Variants in CDK7 observed in about 807,000 individuals in gnomAD.
The protein encoded by CDK7 is cyclin dependent kinase 7, also known as cyclin-dependent kinase 7.
In CDK7, 25 loss-of-function variants were observed where a neutral mutation model predicts 49.1. That is an observed-to-expected ratio of 0.51 (90% CI 0.37 to 0.71). The LOEUF is 0.71. Among genes scored for constraint, CDK7 ranks in the 30% least tolerant of loss-of-function variants. CDK7 has a pLI of 0.00. For missense variants in CDK7, 316 were observed against 411.7 expected (o/e 0.77, Z 2.01); for synonymous variants, 107 against 140.0 (o/e 0.76, Z 1.67).
chr5:69,255,448 T>C lies in CDK7; in HGVS notation c.229-12T>C. 6.6e-7 allele frequency: 1 copy of C among 1,523,108 alleles called. No homozygotes were observed. Among genetic ancestry groups the C allele is most frequent in the Non-Finnish European group, 8.9e-7 (1 of 1,126,036 alleles). The allele number at this position is 1,523,108 out of a possible 1,614,324, so 94.3% of individuals were successfully genotyped here. A position where few individuals can be genotyped will look rare whatever the true frequency, so the allele number is the denominator to read the frequency against. ...AAATAGTGAATCACATTTTAATTTT[T>C]TAACTTTGCAGCTCCTTGATGCTTT... On this transcript the variant is annotated splice_polypyrimidine_tract_variant and intron_variant, in intron 4 of 11. Coordinates refer to ENST00000256443, the MANE Select transcript of CDK7 (RefSeq NM_001799.4).
chr5:69,245,445 AT>A (rs1181949277), intron 2 of CDK7, among the ~76,000 whole-genome samples: 1 of 150,684 alleles, frequency 6.6e-6, no homozygotes, highest in African/African-American at 2.4e-5. Context: ...GGGTTCAAGT[AT>A]TCTCCTGCCT....
intron 8 of CDK7, among the ~76,000 whole-genome samples, chr5:69,268,153 G>C (rs1751283501): frequency 6.6e-6 from 1 of 152,096 alleles, no homozygotes; most frequent in Non-Finnish European, 1.5e-5. Context: ...TAGAGAGACA[G>C]GGTTTCAGCA....
At chr5:69,255,115 C>G (rs1423671341) in intron 4 of CDK7, among the ~76,000 whole-genome samples, 1 of 151,748 alleles carries the variant, frequency 6.6e-6, no homozygotes, top group African/African-American at 2.4e-5. Context: ...ATGATAGCTG[C>G]TGTTATTTAG....
chr5:69,275,788 A>G (rs1317639748), intron 10 of CDK7, among the ~76,000 whole-genome samples: 3 of 152,192 alleles, frequency 2.0e-5, no homozygotes, highest in Non-Finnish European at 4.4e-5. Context: ...AGCCTGGCCA[A>G]TATAGCAAGA....
At chr5:69,242,212 CAGT>C (rs1308373236) in intron 2 of CDK7, among the ~76,000 whole-genome samples, 1 of 152,076 alleles carries the variant, frequency 6.6e-6, no homozygotes, top group Non-Finnish European at 1.5e-5. Flanking sequence ...GTGAGGAAGA[CAGT>C]AGATAATTCT....
Position 69,242,118 on chromosome 5 carries a change from C to T in CDK7, c.126+6665C>T, listed in dbSNP as rs2972383. Among the ~76,000 whole-genome samples the T allele has an allele frequency of 0.011, 1,634 of 152,292 alleles. 117 individuals are homozygous for T. In the East Asian group the frequency reaches 0.2, roughly 18 times the overall value. On this transcript the variant is annotated intron_variant, in intron 2 of 11. Coordinates refer to ENST00000256443, the MANE Select transcript of CDK7 (RefSeq NM_001799.4). ...ATATGGGTCTAGTTTCATTCTTCTG[C>T]ATATGGATATCCAATTTTCCCAGCA...
intron 2 of CDK7, among the ~76,000 whole-genome samples, chr5:69,246,938 T>G (rs1471132103): frequency 1.3e-5 from 2 of 152,238 alleles, no homozygotes; most frequent in East Asian, 3.8e-4. Context: ...TTTCTGGTTT[T>G]ATCCCATTGT....
At chr5:69,275,064 C>CA (rs60134652) in intron 10 of CDK7, among the ~76,000 whole-genome samples, 4,555 of 106,976 alleles carry the variant, frequency 0.043, 176 homozygotes, top group African/African-American at 0.11. Flanking sequence ...ACTCTGTATC[C>CA]AAAAAAAAAA....
chr5:69,272,926 A>G lies in CDK7; in HGVS notation c.749A>G (p.Lys250Arg), dbSNP rs1694847429. 6.3e-7 allele frequency: 1 copy of G among 1,597,376 alleles called. No homozygotes were observed. Among genetic ancestry groups the G allele is most frequent in the Non-Finnish European group, 8.5e-7 (1 of 1,170,558 alleles). The change falls in exon 10 of 12, where the codon AAG becomes AGG. Residue 250 changes from lysine (K) to arginine (R), a missense_variant. Coordinates refer to ENST00000256443, the MANE Select transcript of CDK7 (RefSeq NM_001799.4). ...AGTCTTCCAGATTATGTGACATTTA[A>G]GAGTTTCCCTGGAATACCTTTGCAT... ...MCSLPDYVTF[K>R]SFPGIPLHHI...
chr5:69,269,465 T>C (rs1469692565), intron 9 of CDK7, among the ~76,000 whole-genome samples, 172 bp downstream of exon 9: 1 of 152,206 alleles, frequency 6.6e-6, no homozygotes, highest in Non-Finnish European at 1.5e-5. Flanking sequence ...AATTGTGATA[T>C]ACCATCAACC....
At chr5:69,259,126 T>C (rs532626773) in intron 6 of CDK7, among the ~76,000 whole-genome samples, 35 of 152,204 alleles carry the variant, frequency 2.3e-4, no homozygotes, top group African/African-American at 8.2e-4. Flanking sequence ...CAGTATTCTT[T>C]GTGCTACAAT....
At chr5:69,262,723 T>A (rs10940209) in intron 8 of CDK7, among the ~76,000 whole-genome samples, 91,119 of 151,180 alleles carry the variant, frequency 0.6, 28,005 homozygotes, top group African/African-American at 0.72. Flanking sequence ...TGCCAATGTC[T>A]TTACAACAAA....
intron 8 of CDK7, among the ~76,000 whole-genome samples, chr5:69,268,974 C>T (rs536059965): frequency 6.6e-6 from 1 of 151,106 alleles, no homozygotes; most frequent in Non-Finnish European, 1.5e-5. Context: ...AAAACCTCAT[C>T]TCTACTAAAA....
At chr5:69,268,834 C>CAAAAA (rs56877264) in intron 8 of CDK7, among the ~76,000 whole-genome samples, 15 of 120,670 alleles carry the variant, frequency 1.2e-4, no homozygotes, top group East Asian at 2.5e-4. Flanking sequence ...GAGACTGTCT[C>CAAAAA]AAAAAAAAAA....
intron 3 of CDK7, among the ~76,000 whole-genome samples, chr5:69,253,720 C>T (rs1750299224): frequency 6.6e-6 from 1 of 152,126 alleles, no homozygotes; most frequent in Non-Finnish European, 1.5e-5. Flanking sequence ...TGTTGTTAGT[C>T]TAGTAGTGGT....
At chr5:69,276,833 G>A in intron 11 of CDK7, 143 bp downstream of exon 11, 1 of 789,980 alleles carries the variant, frequency 1.3e-6, no homozygotes, top group Non-Finnish European at 2.0e-6. Flanking sequence ...AAAGTAGAGA[G>A]ACTGTGCCGT....
At chr5:69,241,229 C>T (rs1181017800) in intron 2 of CDK7, among the ~76,000 whole-genome samples, 1 of 151,618 alleles carries the variant, frequency 6.6e-6, no homozygotes, top group Non-Finnish European at 1.5e-5. Context: ...CCCTTTTCTC[C>T]ACATCCCTCA....
intron 9 of CDK7, among the ~76,000 whole-genome samples, chr5:69,269,775 G>A (rs929604652): frequency 6.6e-6 from 1 of 150,710 alleles, no homozygotes; most frequent in African/African-American, 2.4e-5. Flanking sequence ...TAATAGAGAT[G>A]GGGTTTCACC....
At chr5:69,243,781 A>ATT (rs150222910) in intron 2 of CDK7, among the ~76,000 whole-genome samples, 2 of 139,588 alleles carry the variant, frequency 1.4e-5, no homozygotes, top group Non-Finnish European at 3.1e-5. Context: ...TTATCTTTCC[A>ATT]TTTTTTTGGT....
Sources: allele counts gnomAD v4.1 joint callset (sites outside exome capture counted in the v4.1 genomes callset), GRCh38; gene constraint gnomAD v4.1.1; transcripts MANE v1.5; gene names NCBI Gene and HGNC (gene_info 2026-07-23, HGNC 2026-07-21).